The following LRMDA variants were observed in gnomAD, a reference collection of about 807,000 sequenced individuals.
The protein encoded by LRMDA is leucine rich melanocyte differentiation associated, also known as leucine-rich melanocyte differentiation-associated protein.
In LRMDA, 18 loss-of-function variants were observed where a neutral mutation model predicts 29.8. The ratio of observed to expected loss-of-function variants is 0.60; its 90% CI spans 0.42 to 0.90. The LOEUF (loss-of-function observed/expected upper bound fraction) is 0.90, where lower values mean the gene tolerates loss of function less well. Among genes scored for constraint, LRMDA ranks in the 40% least tolerant of loss-of-function variants. The probability of loss-of-function intolerance (pLI) is 0.00; values close to 1 mark genes in which losing one functional copy is unlikely to be tolerated. For synonymous variants in LRMDA, 125 were observed against 109.4 expected, an observed-to-expected ratio of 1.14 and a Z score of -0.89; for missense variants, 273 against 273.9, an observed-to-expected ratio of 1.00 and a Z score of 0.02.
intron 1 of LRMDA, among the ~76,000 whole-genome samples, chr10:75,432,004 GC>G (rs1844204699): frequency 6.6e-6 from 1 of 152,166 alleles, no homozygotes; most frequent in African/African-American, 2.4e-5. Flanking sequence ...ACTTCCTTCT[GC>G]CCTTAGCGCC....
intron 6 of LRMDA, among the ~76,000 whole-genome samples, chr10:76,546,840 C>T (rs1227687107): frequency 6.6e-6 from 1 of 152,136 alleles, no homozygotes; most frequent in Non-Finnish European, 1.5e-5. Context: ...ATACCTCTTT[C>T]TCCTAAAGGG....
At position 75,838,542 on chromosome 10, in the gene LRMDA, T is replaced by C. The variant is rs144186906; in HGVS notation, c.132-197466T>C. ...GCTGATTTGTGTGGGTCATCCAGAC[T>C]GTGAGTTCAGGTTTTTTTCAGGGAT... is the stretch of plus-strand genomic sequence containing the variant. On this transcript the variant is annotated intron_variant, in intron 2 of 6. Coordinates refer to ENST00000611255, the MANE Select transcript of LRMDA (RefSeq NM_001305581.2). 8.3e-3 allele frequency among the ~76,000 whole-genome samples: 1,268 copies of C among 152,294 alleles called. 5 individuals carry two copies. Among genetic ancestry groups the C allele is most frequent in the Non-Finnish European group, 0.014 (986 of 68,014 alleles).
At chr10:75,432,147 T>G (rs1184940883) in intron 1 of LRMDA, among the ~76,000 whole-genome samples, 1 of 152,256 alleles carries the variant, frequency 6.6e-6, no homozygotes. Flanking sequence ...TAAATCACAT[T>G]GATATAGTCA....
chr10:75,979,418 T>C (rs1038348334), intron 2 of LRMDA, among the ~76,000 whole-genome samples: 3 of 152,216 alleles, frequency 2.0e-5, no homozygotes, highest in African/African-American at 7.2e-5. Context: ...CCATATATGA[T>C]AATAACATTG....
intron 2 of LRMDA, among the ~76,000 whole-genome samples, chr10:75,726,852 T>C (rs1842636976): frequency 6.6e-6 from 1 of 152,198 alleles, no homozygotes; most frequent in African/African-American, 2.4e-5. Flanking sequence ...GAGCCAGTTA[T>C]GGGTACAATG....
At chr10:76,129,784 C>T (rs1849953167) in intron 5 of LRMDA, among the ~76,000 whole-genome samples, 1 of 152,106 alleles carries the variant, frequency 6.6e-6, no homozygotes, top group Admixed American at 6.5e-5. Flanking sequence ...CTTCCACTGC[C>T]ATGCCTTCCA....
At chr10:76,538,996 C>G (rs1843322942) in intron 6 of LRMDA, among the ~76,000 whole-genome samples, 2 of 151,074 alleles carry the variant, frequency 1.3e-5, no homozygotes, top group African/African-American at 4.9e-5. Context: ...TGGTGTTTCT[C>G]CATTTACTTA....
At chr10:75,839,230 T>A (rs1844492676) in intron 2 of LRMDA, among the ~76,000 whole-genome samples, 1 of 152,240 alleles carries the variant, frequency 6.6e-6, no homozygotes, top group African/African-American at 2.4e-5. Context: ...GCAGAGTGGC[T>A]GAGCATCATT....
rs114839419 is a variant in LRMDA, at chr10:75,823,634, A to G, written c.132-212374A>G. On this transcript the variant is annotated intron_variant, in intron 2 of 6. Transcript: ENST00000611255. Reference sequence around the variant, plus strand: ...TCCCACTACTGGGTATCTACCCGAAAGCTATACAATCAACCTAAGTATCCA... The same window carrying G: ...TCCCACTACTGGGTATCTACCCGAAGGCTATACAATCAACCTAAGTATCCA... 8.3e-4 allele frequency among the ~76,000 whole-genome samples: 126 copies of G among 152,080 alleles called. 1 individual carries two copies. Among genetic ancestry groups the G allele is most frequent in the African/African-American group, 2.9e-3 (122 of 41,516 alleles).
intron 6 of LRMDA, among the ~76,000 whole-genome samples, chr10:76,519,407 T>C (rs747525046): frequency 2.0e-5 from 3 of 152,222 alleles, no homozygotes; most frequent in Non-Finnish European, 4.4e-5. Context: ...ACTTTGTTCT[T>C]AATGGTAAAA....
intron 5 of LRMDA, among the ~76,000 whole-genome samples, chr10:76,086,517 A>G (rs1849138326): frequency 6.6e-6 from 1 of 152,238 alleles, no homozygotes; most frequent in Non-Finnish European, 1.5e-5. Context: ...TGCAATTGTC[A>G]GTCAACACTC....
At chr10:76,178,839 A>T (rs1418848252) in intron 5 of LRMDA, among the ~76,000 whole-genome samples, 1 of 152,206 alleles carries the variant, frequency 6.6e-6, no homozygotes, top group Non-Finnish European at 1.5e-5. Flanking sequence ...ATACCCAGTG[A>T]CACCTCTCAG....
intron 2 of LRMDA, among the ~76,000 whole-genome samples, chr10:75,618,694 A>G (rs1417545623): frequency 6.7e-6 from 1 of 150,336 alleles, no homozygotes; most frequent in Non-Finnish European, 1.5e-5. Context: ...TATTTTGTAT[A>G]TATATTATAT....
At position 75,561,446 on chromosome 10, in the gene LRMDA, G is replaced by A. The variant is rs891652188; in HGVS notation, c.131+122952G>A. On this transcript the variant is annotated intron_variant, in intron 2 of 6. Transcript: ENST00000611255. ...TTTTTTCTTTATTAGTCTTGCTAGC[G>A]GTCTGTCAATTTTGTTGATCCTTTC... 8.2e-4 allele frequency among the ~76,000 whole-genome samples: 124 copies of A among 151,872 alleles called. 1 individual carries two copies. Among genetic ancestry groups the A allele is most frequent in the Non-Finnish European group, 1.6e-3 (107 of 67,958 alleles).
At chr10:75,671,479 C>T (rs1469934064) in intron 2 of LRMDA, among the ~76,000 whole-genome samples, 1 of 152,144 alleles carries the variant, frequency 6.6e-6, no homozygotes, top group Non-Finnish European at 1.5e-5. Context: ...AGTCCATGTC[C>T]TTTGCAGGGA....
chr10:76,370,062 A>T (rs568754548), intron 6 of LRMDA, among the ~76,000 whole-genome samples: 2 of 152,066 alleles, frequency 1.3e-5, no homozygotes, highest in African/African-American at 4.8e-5. Context: ...AAAATAAAAA[A>T]CCATGATGTT....
chr10:76,206,844 C>T (rs1851546085), intron 5 of LRMDA, among the ~76,000 whole-genome samples: 1 of 152,214 alleles, frequency 6.6e-6, no homozygotes, highest in Admixed American at 6.5e-5. Flanking sequence ...AATTCCACCC[C>T]TCCCAAATCA....
intron 5 of LRMDA, among the ~76,000 whole-genome samples, chr10:76,202,350 AC>A (rs1173266217): frequency 6.6e-6 from 1 of 152,156 alleles, no homozygotes; most frequent in African/African-American, 2.4e-5. Context: ...CTTTCTCTTC[AC>A]TGAGGCATTT....
rs1840452684 is a variant in LRMDA, at chr10:75,572,689, T to C, written c.131+134195T>C. The stretch of plus-strand genomic sequence containing the variant: ...GTTTAGCTGGGTATAGAATTCTAGC[T>C]GATAGCTATTTTTCTCTGAACACTT... On this transcript the variant is annotated intron_variant, in intron 2 of 6. Transcript: ENST00000611255. 1.3e-5 allele frequency among the ~76,000 whole-genome samples: 2 copies of C among 152,222 alleles called. 1 individual carries two copies. Among genetic ancestry groups the C allele is most frequent in the African/African-American group, 4.8e-5 (2 of 41,462 alleles).
Sources: allele counts gnomAD v4.1 joint callset (sites outside exome capture counted in the v4.1 genomes callset), GRCh38; gene constraint gnomAD v4.1.1; transcripts MANE v1.5; gene names NCBI Gene and HGNC (gene_info 2026-07-23, HGNC 2026-07-21).